The following GSG1L variants were observed in gnomAD, a reference collection of about 807,000 sequenced individuals.
GSG1L encodes GSG1 like.
GSG1L carries 24 observed loss-of-function variants against 42.1 expected under a neutral mutation model. That is an observed-to-expected ratio of 0.57 (90% CI 0.41 to 0.80). GSG1L has a LOEUF of 0.80. Among genes scored for constraint, GSG1L ranks in the 30% least tolerant of loss-of-function variants. The pLI is 0.00. For missense variants in GSG1L, 445 were observed against 472.2 expected (o/e 0.94, Z 0.53); for synonymous variants, 215 against 203.5 (o/e 1.06, Z -0.48).
chr16:28,044,352 G>A (rs2141188074), intron 1 of GSG1L, among the ~76,000 whole-genome samples: 2 of 152,288 alleles, frequency 1.3e-5, no homozygotes, highest in Admixed American at 1.3e-4. Context: ...CATTTTGGCA[G>A]CTTCTTACAA....
intron 3 of GSG1L, among the ~76,000 whole-genome samples, chr16:27,869,477 A>T (rs1425237950): frequency 3.1e-5 from 4 of 128,236 alleles, no homozygotes; most frequent in East Asian, 4.6e-4. Context: ...GTCTCCCTCC[A>T]TCTCTCTCTC....
At chr16:27,957,925 C>T (rs2085024950) in intron 2 of GSG1L, among the ~76,000 whole-genome samples, 2 of 152,054 alleles carry the variant, frequency 1.3e-5, no homozygotes, top group South Asian at 2.1e-4. Context: ...AGGTGCTAGG[C>T]TCTTTTAAAT....
At chr16:28,022,064 A>G (rs1203307501) in intron 1 of GSG1L, among the ~76,000 whole-genome samples, 3 of 152,224 alleles carry the variant, frequency 2.0e-5, no homozygotes, top group Non-Finnish European at 2.9e-5. Context: ...AGGCAAAATT[A>G]TACTATATAA....
chr16:27,887,965 G>T, intron 2 of GSG1L: 1 of 401,318 alleles, frequency 2.5e-6, no homozygotes, highest in Non-Finnish European at 3.4e-6. Flanking sequence ...GGGCCACCAG[G>T]CAGCGGGGAG....
intron 2 of GSG1L, among the ~76,000 whole-genome samples, chr16:27,935,936 C>A (rs1408039954): frequency 6.7e-6 from 1 of 149,428 alleles, no homozygotes; most frequent in East Asian, 2.0e-4. Context: ...TGAACCCTTG[C>A]CTAGCAACCC....
intron 2 of GSG1L, among the ~76,000 whole-genome samples, chr16:27,959,483 G>C (rs1018938517): frequency 7.5e-6 from 1 of 132,726 alleles, no homozygotes; most frequent in African/African-American, 2.8e-5. Flanking sequence ...GAAGAGAAGA[G>C]AGGAGACGAG....
intron 2 of GSG1L, among the ~76,000 whole-genome samples, chr16:27,925,716 G>A (rs1255203640): frequency 3.3e-5 from 5 of 152,294 alleles, no homozygotes; most frequent in South Asian, 4.1e-4. Context: ...TGAGCTTCAC[G>A]GAACCAGTAG....
chr16:27,907,948 C>T (rs2084338087), intron 2 of GSG1L, among the ~76,000 whole-genome samples: 1 of 150,814 alleles, frequency 6.6e-6, no homozygotes, highest in Non-Finnish European at 1.5e-5. Context: ...CTGCAGCTTC[C>T]CCACGCCCCA....
At chr16:27,937,826 A>G (rs968457135) in intron 2 of GSG1L, among the ~76,000 whole-genome samples, 1 of 152,192 alleles carries the variant, frequency 6.6e-6, no homozygotes, top group African/African-American at 2.4e-5. Context: ...CGAAGAGCAG[A>G]CTTAGAACAT....
intron 3 of GSG1L, among the ~76,000 whole-genome samples, chr16:27,854,097 T>C (rs537590543): frequency 1.6e-4 from 24 of 151,444 alleles, no homozygotes; most frequent in Non-Finnish European, 1.3e-4. Flanking sequence ...GAATACGCTA[T>C]CAAGAGAGAG....
chr16:27,842,241 A>ATC (rs2083393856), intron 4 of GSG1L, among the ~76,000 whole-genome samples: 1 of 152,294 alleles, frequency 6.6e-6, no homozygotes. Flanking sequence ...CAGTAGCAAC[A>ATC]ATATAAGAGC....
chr16:28,054,570 A>G (rs998038770), intron 1 of GSG1L, among the ~76,000 whole-genome samples: 3 of 152,214 alleles, frequency 2.0e-5, no homozygotes, highest in Non-Finnish European at 4.4e-5. Flanking sequence ...CGGAGGTTAC[A>G]GTAAGCCAAG....
Position 27,884,769 on chromosome 16 carries a change from C to T in GSG1L, c.398-131G>A. The stretch of plus-strand genomic sequence containing the variant: ...ATAGAACCTGGTTCTGGGGGAGGTC[C>T]TGATGGAAGCCTGTCATGGCCGTCC... On this transcript the variant is annotated intron_variant, in intron 2 of 6. Transcript: ENST00000447459. The surrounding 1 kb of genome is among the most constrained non-coding windows in gnomAD (Gnocchi z 4.4). 1.1e-6 allele frequency: 1 copy of T among 880,504 alleles called. No homozygotes were observed. Among genetic ancestry groups the T allele is most frequent in the Admixed American group, 3.0e-5 (1 of 33,864 alleles). 54.5% of individuals were successfully genotyped at this position (880,504 alleles called of 1,614,324 possible).
chr16:28,060,118 C>A (rs535240791), intron 1 of GSG1L, among the ~76,000 whole-genome samples: 1 of 150,442 alleles, frequency 6.6e-6, no homozygotes, highest in Admixed American at 6.6e-5. Flanking sequence ...GGAAAGAAAG[C>A]TTTGCTGTAG....
Position 28,040,855 on chromosome 16 carries a change from C to A in GSG1L, c.349+22221G>T, listed in dbSNP as rs2086097450. Among the ~76,000 whole-genome samples, 1 of 152,210 alleles carries A rather than the reference C, an allele frequency of 6.6e-6. No individual in the cohort carries two copies. Among genetic ancestry groups the A allele is most frequent in the African/African-American group, 2.4e-5 (1 of 41,446 alleles). On this transcript the variant is annotated intron_variant, in intron 1 of 6. Transcript: ENST00000447459. This position sits in a 1 kb window ranked among gnomAD's most constrained non-coding sequence, Gnocchi z 4.1. Reference sequence around the variant, plus strand: ...AGACACTCCTTTTCCATCCAGTATCCCCATCCCAGACCATCTCTCTGCGTT... The same window carrying A: ...AGACACTCCTTTTCCATCCAGTATCACCATCCCAGACCATCTCTCTGCGTT...
At chr16:27,915,193 A>T (rs1567516987) in intron 2 of GSG1L, among the ~76,000 whole-genome samples, 1 of 119,708 alleles carries the variant, frequency 8.4e-6, no homozygotes, top group African/African-American at 3.3e-5. Flanking sequence ...CCCCCAGAGG[A>T]TGTACACACA....
intron 1 of GSG1L, among the ~76,000 whole-genome samples, chr16:28,027,790 G>C (rs964700947): frequency 7.9e-5 from 12 of 152,136 alleles, no homozygotes. Flanking sequence ...GGAGGACAAG[G>C]TGGGAGCATC....
intron 2 of GSG1L, among the ~76,000 whole-genome samples, chr16:27,923,144 T>C (rs1455544571): frequency 6.6e-6 from 1 of 152,198 alleles, no homozygotes; most frequent in Middle Eastern, 3.2e-3. Context: ...CTGGTATTCA[T>C]GGGCTGCAAA....
At chr16:27,841,903 C>G (rs544016447) in intron 4 of GSG1L, among the ~76,000 whole-genome samples, 1 of 152,276 alleles carries the variant, frequency 6.6e-6, no homozygotes, top group East Asian at 1.9e-4. Context: ...CCAGGGCCTT[C>G]TGGAAAGGGG....
Sources: gnomAD v4.1 joint callset for allele counts (sites outside exome capture counted in the v4.1 genomes callset) on GRCh38, gnomAD v4.1.1 for gene constraint, Gnocchi (gnomAD v3.1) non-coding constraint, MANE v1.5 for transcripts, NCBI Gene and HGNC (gene_info 2026-07-23, HGNC 2026-07-21) for gene names.